The following KIF27 variants were observed in gnomAD, a reference collection of about 807,000 sequenced individuals.
KIF27 encodes kinesin family member 27, also known as kinesin-like protein KIF27.
In KIF27, 84 loss-of-function variants were observed where a neutral mutation model predicts 141.8. That is an observed-to-expected ratio of 0.59 (90% CI 0.50 to 0.71). KIF27 has a LOEUF of 0.71. Ranked by LOEUF, KIF27 falls within the 30% of genes least tolerant of loss-of-function variation. The pLI, the probability that KIF27 is intolerant of heterozygous loss-of-function variation, is 0.00. For missense variants in KIF27, 1,306 were observed against 1,628.4 expected, an observed-to-expected ratio of 0.80 and a Z score of 3.41; for synonymous variants, 471 against 569.5, an observed-to-expected ratio of 0.83 and a Z score of 2.46.
rs527832503 is a variant in KIF27, at chr9:83,867,146, T to C, written c.2934+538A>G. 4.0e-4 allele frequency among the ~76,000 whole-genome samples: 61 copies of C among 152,114 alleles called. 1 individual carries two copies. The highest frequency in any genetic ancestry group is 1.4e-3 in the African/African-American group (57 of 41,488). ...ACTGGTTTCTTTCACTTAACATAGG[T>C]TTTCAAGGTTCATCCATGTTGTAGC... On this transcript the variant is annotated intron_variant, in intron 13 of 17. Transcript: ENST00000297814.
Position 83,878,120 on chromosome 9 carries a change from C to T in KIF27, c.2643+2177G>A, listed in dbSNP as rs182890604. Among the ~76,000 whole-genome samples, 439 of 140,494 alleles carry T rather than the reference C, an allele frequency of 3.1e-3. 8 individuals are homozygous for T. Among genetic ancestry groups the T allele is most frequent in the African/African-American group, 0.011 (417 of 37,932 alleles). The allele number at this position is 140,494 out of a possible 152,430, so 92.2% of individuals were successfully genotyped here. On this transcript the variant is annotated intron_variant, in intron 11 of 17. Transcript: ENST00000297814. ...CGGAGCTTGCAGTGAGCCGAGATCA[C>T]GCCACTGCACTCCAGCCTGGGCAAC...
intron 3 of KIF27, among the ~76,000 whole-genome samples, chr9:83,904,911 AGT>A (rs76320877): frequency 0.046 from 7,031 of 152,022 alleles, 352 homozygotes; most frequent in East Asian, 0.27. Flanking sequence ...TTATAAATAA[AGT>A]TGGTTATTCA....
intron 14 of KIF27, chr9:83,858,853 T>C (rs1346737171): frequency 2.7e-6 from 1 of 367,806 alleles, no homozygotes; most frequent in Non-Finnish European, 5.0e-6. Context: ...TTCTATGTTC[T>C]GTGATTTCAG....
At chr9:83,878,584 AGTTCTTGTACAT>A (rs1302825630) in intron 11 of KIF27, among the ~76,000 whole-genome samples, 3 of 152,204 alleles carry the variant, frequency 2.0e-5, no homozygotes, top group African/African-American at 7.2e-5. Context: ...AAGGGAATGA[AGTTCTTGTACAT>A]GCTGCAATGT....
intron 1 of KIF27, among the ~76,000 whole-genome samples, chr9:83,916,724 C>T (rs1263010011): frequency 4.1e-5 from 6 of 145,396 alleles, no homozygotes; most frequent in South Asian, 2.1e-4. Flanking sequence ...AGTGCAGTGG[C>T]GCGATCTGGG....
Position 83,871,966 on chromosome 9 carries a change from T to C in KIF27, c.2644-1334A>G, listed in dbSNP as rs112238641. 6.7e-5 allele frequency among the ~76,000 whole-genome samples: 10 copies of C among 150,374 alleles called. 1 individual carries two copies. Among genetic ancestry groups the C allele is most frequent in the African/African-American group, 2.4e-4 (10 of 41,096 alleles). On this transcript the variant is annotated intron_variant, in intron 11 of 17. Coordinates refer to ENST00000297814, the MANE Select transcript of KIF27 (RefSeq NM_017576.4). Reference sequence around the variant, plus strand: ...ATCCACCTGCCTCAGCCTCCCAAAGTGCTGGAATTACAAGCATGAGCCACC... The same window carrying C: ...ATCCACCTGCCTCAGCCTCCCAAAGCGCTGGAATTACAAGCATGAGCCACC...
Position 83,903,907 on chromosome 9 carries a change from G to C in KIF27, c.611C>G (p.Ser204Cys). ...HTGTTQMNEH[S>C]SRSHAIFTIS... is the part of the protein sequence containing the mutation. ...TGTAAAAATTGCATGTGATCTGCTG[G>C]AGTGCTCATTCATTTGAGTGGTACC... Residue 204 changes from serine (S) to cysteine (C), a missense_variant, in exon 4 of 18, where the codon TCC becomes TGC. By Grantham distance (112) the Ser-to-Cys change is moderately radical. Transcript: ENST00000297814. The C allele has an allele frequency of 6.2e-7, 1 of 1,614,068 alleles. No individual in the cohort carries two copies. Among genetic ancestry groups the C allele is most frequent in the Admixed American group, 1.7e-5 (1 of 60,014 alleles).
Position 83,887,067 on chromosome 9 carries a change from T to G in KIF27, c.2213A>C (p.Asp738Ala). 1 of 1,594,974 alleles carries G rather than the reference T, an allele frequency of 6.3e-7. No homozygotes were observed. Among genetic ancestry groups the G allele is most frequent in the East Asian group, 2.3e-5 (1 of 44,342 alleles). ...ELTINIKMKE[D>A]LIKELIKTGN... Reference sequence around the variant, plus strand: ...TGTTTTTATTAATTCTTTAATCAGATCTTCCTTCATCTTGATGTTAATTGT... The same window carrying G: ...TGTTTTTATTAATTCTTTAATCAGAGCTTCCTTCATCTTGATGTTAATTGT... Residue 738 changes from aspartate to alanine, a missense_variant, in exon 9 of 18, where the codon GAT (aspartate) becomes GCT (alanine). Asp to Ala is a moderately radical substitution (Grantham distance 126). Around this residue, in one of 4 missense-constraint regions of KIF27, gnomAD observed 596 missense variants for 751.6 expected, o/e 0.79. Transcript: ENST00000297814.
chr9:83,920,041 G>A (rs1487406509), intron 1 of KIF27, among the ~76,000 whole-genome samples: 1 of 152,122 alleles, frequency 6.6e-6, no homozygotes, highest in African/African-American at 2.4e-5. Context: ...AGACCAGCCT[G>A]GGCAACATGG....
chr9:83,870,681 T>C, intron 11 of KIF27, 49 bp from the exon 12 acceptor site: 3 of 1,583,332 alleles, frequency 1.9e-6, no homozygotes, highest in South Asian at 1.2e-5. Flanking sequence ...CACCTGACCA[T>C]TAAGTATGCT....
intron 1 of KIF27, among the ~76,000 whole-genome samples, chr9:83,919,059 C>A (rs545508776): frequency 1.3e-5 from 2 of 152,088 alleles, no homozygotes; most frequent in South Asian, 4.2e-4. Flanking sequence ...CTGGGCGATA[C>A]ACCAAGACTG....
rs558852710 is a variant in KIF27 at position 83,834,428 on chromosome 9, T to C, written c.*2573A>G. 9.7e-4 allele frequency among the ~76,000 whole-genome samples: 147 copies of C among 152,184 alleles called. 1 individual carries two copies. The highest frequency in any genetic ancestry group is 2.9e-3 in the Admixed American group (44 of 15,282). On this transcript the variant is annotated 3_prime_UTR_variant, in exon 18 of 18. Coordinates refer to ENST00000297814, the MANE Select transcript of KIF27 (RefSeq NM_017576.4). ...CATGAAATGTCATATATATAAAGGA[T>C]ATATGTTTAACCAAAAGGAAGAAAA...
chr9:83,857,123 T>C (rs1456435534), intron 14 of KIF27, among the ~76,000 whole-genome samples: 2 of 151,632 alleles, frequency 1.3e-5, no homozygotes, highest in Non-Finnish European at 2.9e-5. Context: ...TAGTAAATTG[T>C]TGGGTAATCT....
At chr9:83,915,877 A>G (rs556965588) in intron 1 of KIF27, among the ~76,000 whole-genome samples, 199 bp from the exon 2 acceptor site, 2 of 152,196 alleles carry the variant, frequency 1.3e-5, no homozygotes, top group South Asian at 4.1e-4. Flanking sequence ...AAAATAATCT[A>G]GGTGTGGGGT....
chr9:83,921,119 G>T (rs1181541157), intron 1 of KIF27, among the ~76,000 whole-genome samples: 1 of 150,424 alleles, frequency 6.6e-6, no homozygotes, highest in African/African-American at 2.5e-5. Context: ...GGGGCGCTCT[G>T]CCTCTAGTCG....
At chr9:83,916,756 C>T (rs1188124830) in intron 1 of KIF27, among the ~76,000 whole-genome samples, 3 of 150,888 alleles carry the variant, frequency 2.0e-5, no homozygotes, top group Non-Finnish European at 4.4e-5. Flanking sequence ...CTCCACCTCC[C>T]GGGTTCACAC....
chr9:83,860,952 T>C (rs1949840050), intron 13 of KIF27, among the ~76,000 whole-genome samples: 1 of 152,038 alleles, frequency 6.6e-6, no homozygotes, highest in Non-Finnish European at 1.5e-5. Context: ...AGAAGAAAAT[T>C]ATTTATTAGA....
At chr9:83,888,662 G>A (rs1181340758) in intron 7 of KIF27, 70 bp from the exon 8 acceptor site, 13 of 855,196 alleles carry the variant, frequency 1.5e-5, no homozygotes, top group Middle Eastern at 2.3e-4. Context: ...TAGTTTCCCC[G>A]AAAAGTGAAA....
At chr9:83,849,912 C>T (rs542069082) in intron 16 of KIF27, among the ~76,000 whole-genome samples, 187 bp downstream of exon 16, 74 of 152,250 alleles carry the variant, frequency 4.9e-4, no homozygotes, top group Non-Finnish European at 8.8e-4. Flanking sequence ...ATTCCAAGCA[C>T]GAATAGCCCT....
Sources: gnomAD v4.1 joint callset for allele counts (sites outside exome capture counted in the v4.1 genomes callset) on GRCh38, gnomAD v4.1.1 for gene constraint, gnomAD v4.1.1 regional missense constraint, MANE v1.5 for transcripts, NCBI Gene and HGNC (gene_info 2026-07-23, HGNC 2026-07-21) for gene names.